Variants in CRACR2B observed in about 807,000 individuals in gnomAD.
The protein encoded by CRACR2B is calcium release activated channel regulator 2B.
Under a neutral mutation model 46.0 loss-of-function variants are expected in CRACR2B, and 50 were observed. That is an observed-to-expected ratio of 1.09 (90% confidence interval 0.87 to 1.38). The LOEUF (loss-of-function observed/expected upper bound fraction) is 1.38. Among genes scored for constraint, CRACR2B ranks in the 40% most tolerant of loss-of-function variants. The probability of loss-of-function intolerance (pLI) is 0.00; values close to 1 mark genes in which losing one functional copy is unlikely to be tolerated. For synonymous variants in CRACR2B, 277 were observed against 239.6 expected (o/e 1.16, Z -1.44); for missense variants, 667 against 535.0 (o/e 1.25, Z -2.43).
At position 828,668 on chromosome 11, in the gene CRACR2B, G is replaced by C. The variant is rs779890092; in HGVS notation, c.61G>C (p.Gly21Arg). 2.5e-6 allele frequency: 4 copies of C among 1,608,906 alleles called. No individual in the cohort carries two copies. Among genetic ancestry groups the C allele is most frequent in the Non-Finnish European group, 2.5e-6 (3 of 1,178,600 alleles). Residue 21 changes from glycine to arginine, a missense_variant, in exon 1 of 9, where the codon GGG (glycine) becomes CGG (arginine). Gly to Arg is a moderately radical substitution (Grantham distance 125, BLOSUM62 -2). Transcript: ENST00000525077. ...EAQEEEGELE[G>R]GSAGPRAAIL... ...CCAGGAGGAGGAGGGGGAACTCGAGGGGGGCTCTGCAGGGCCGCGGGCTGC... is the reference window on the plus strand; with the variant it reads ...CCAGGAGGAGGAGGGGGAACTCGAGCGGGGCTCTGCAGGGCCGCGGGCTGC...
intron 1 of CRACR2B, 28 bp from the exon 2 acceptor site, chr11:828,824 C>T (rs1303148130): frequency 1.9e-6 from 3 of 1,611,388 alleles, no homozygotes; most frequent in Non-Finnish European, 2.5e-6. Flanking sequence ...ACCGCAGCGG[C>T]TCATCTCTGC....
At position 830,020 on chromosome 11, in the gene CRACR2B, C is replaced by G; in HGVS notation, c.493C>G (p.Gln165Glu). The G allele has an allele frequency of 6.4e-7, 1 of 1,570,690 alleles. No homozygotes were observed. The highest frequency in any genetic ancestry group is 8.6e-7 in the Non-Finnish European group (1 of 1,164,228). ...RAVRTLWARL[Q>E]RERPELLGSF... ...TGTGAGGACGCTCTGGGCCAGGCTG[C>G]AGCGCGAGCGCCCCGAGCTGCTGGG... The change falls in exon 4 of 9, where the codon CAG becomes GAG. Residue 165 changes from glutamine (Q) to glutamate (E), a missense_variant. Gln to Glu is a conservative substitution (Grantham distance 29). Transcript: ENST00000525077.
At position 830,084 on chromosome 11, in the gene CRACR2B, T is replaced by C; in HGVS notation, c.557T>C (p.Leu186Pro). 6.5e-7 allele frequency: 1 copy of C among 1,546,512 alleles called. No individual in the cohort carries two copies. The highest frequency in any genetic ancestry group is 8.7e-7 in the Non-Finnish European group (1 of 1,151,058). Reference sequence around the variant, plus strand: ...GTTCTGATACGCGCGTCGGCCTGCCTGGAGGAGGCGGCCCGGGAGCGCGAC... The same window carrying C: ...GTTCTGATACGCGCGTCGGCCTGCCCGGAGGAGGCGGCCCGGGAGCGCGAC... ...EDVLIRASAC[L>P]EEAARERDGL... The change falls in exon 4 of 9, where the codon CTG becomes CCG. Residue 186 changes from leucine to proline, a missense_variant. Leu to Pro is a moderately conservative substitution (Grantham distance 98). Transcript: ENST00000525077.
At chr11:829,715 T>C (rs1431467034) in intron 3 of CRACR2B, 175 bp downstream of exon 3, 5 of 1,039,094 alleles carry the variant, frequency 4.8e-6, no homozygotes, top group East Asian at 2.8e-5. Context: ...CCCGCAGAAT[T>C]TGCATTTCAT....
chr11:831,198 G>A, intron 7 of CRACR2B, 26 bp from the exon 8 acceptor site: 1 of 1,611,044 alleles, frequency 6.2e-7, no homozygotes, highest in Non-Finnish European at 8.5e-7. Flanking sequence ...CCTTCCTGCA[G>A]CCGGGTCACC....
At chr11:829,893 G>C in intron 3 of CRACR2B, 93 bp from the exon 4 acceptor site, 1 of 1,470,848 alleles carries the variant, frequency 6.8e-7, no homozygotes. Flanking sequence ...CCTGCCCAGG[G>C]GCGAAGAAGT....
In CRACR2B at chr11:828,532, G is replaced by C; in HGVS notation, c.-76G>C. 1.4e-6 allele frequency: 2 copies of C among 1,465,572 alleles called. No homozygotes were observed. The highest frequency in any genetic ancestry group is 1.8e-6 in the Non-Finnish European group (2 of 1,112,868). 90.8% of individuals were successfully genotyped at this position (1,465,572 alleles called of 1,614,324 possible). On this transcript the variant is annotated 5_prime_UTR_variant, in exon 1 of 9. Transcript: ENST00000525077. ...CTTCAGACACACTTGCACCCCATCCGCTCCCCTCCTGAATTTCTTCTGACC... is the reference window on the plus strand; with the variant it reads ...CTTCAGACACACTTGCACCCCATCCCCTCCCCTCCTGAATTTCTTCTGACC...
chr11:829,920 G>A, intron 3 of CRACR2B, 66 bp from the exon 4 acceptor site: 1 of 1,518,966 alleles, frequency 6.6e-7, no homozygotes, highest in South Asian at 1.2e-5. Flanking sequence ...AGGGTTTGCT[G>A]CTGGCGGAGG....
chr11:830,038 C>T lies in CRACR2B; in HGVS notation c.511C>T (p.Leu171=), dbSNP rs760196814. ...CAGGCTGCAGCGCGAGCGCCCCGAG[C>T]TGCTGGGCTCTTTCGAGGATGTTCT... ...WARLQRERPE[L]LGSFEDVLIR... Residue 171 remains leucine, a synonymous_variant, in exon 4 of 9, where the codon CTG becomes TTG. Coordinates refer to ENST00000525077, the MANE Select transcript of CRACR2B (RefSeq NM_001286606.2). 1.9e-6 allele frequency: 3 copies of T among 1,567,998 alleles called. No individual in the cohort carries two copies. Among genetic ancestry groups the T allele is most frequent in the East Asian group, 2.3e-5 (1 of 42,898 alleles).
In CRACR2B at chr11:831,547, A is replaced by T; in HGVS notation, c.1038A>T (p.Thr346=). The change falls in exon 9 of 9, where the codon ACA becomes ACT. Residue 346 remains threonine, a synonymous_variant. Transcript: ENST00000525077. ...CCTCCTTCCCTAGGGAGCTGAATACACGGCTGCGGGATGACAGGGACGCCT... is the reference window on the plus strand; with the variant it reads ...CCTCCTTCCCTAGGGAGCTGAATACTCGGCTGCGGGATGACAGGGACGCCT... The part of the protein sequence containing the change: ...RQLELLRELN[T]RLRDDRDACE... 6.3e-7 allele frequency: 1 copy of T among 1,596,220 alleles called. No individual in the cohort carries two copies. Among genetic ancestry groups the T allele is most frequent in the Non-Finnish European group, 8.5e-7 (1 of 1,173,298 alleles).
intron 5 of CRACR2B, 136 bp from the exon 6 acceptor site, chr11:830,485 C>T: frequency 6.5e-7 from 1 of 1,537,418 alleles, no homozygotes; most frequent in Non-Finnish European, 8.7e-7. Flanking sequence ...CACTGGGCCT[C>T]ACGTATCACC....
chr11:831,572 T>C lies in CRACR2B; in HGVS notation c.1063T>C (p.Cys355Arg), dbSNP rs530911961. ...ACGGCTGCGGGATGACAGGGACGCC[T>C]GCGAGGCCAGGCGGGCGGGCAGCAG... Reference protein sequence around the residue: ...NTRLRDDRDACEARRAGSSCR... With the variant: ...NTRLRDDRDAREARRAGSSCR... The change falls in exon 9 of 9, where the codon TGC becomes CGC. Residue 355 changes from cysteine (C) to arginine (R), a missense_variant. Transcript: ENST00000525077. 42 of 1,597,728 alleles carry C rather than the reference T, an allele frequency of 2.6e-5. No individual in the cohort carries two copies. Among genetic ancestry groups the C allele is most frequent in the Non-Finnish European group, 3.5e-5 (41 of 1,174,328 alleles).
chr11:829,537 G>A lies in CRACR2B; in HGVS notation c.455G>A (p.Gly152Asp), dbSNP rs1294731982. The stretch of plus-strand genomic sequence containing the variant: ...CAGCTGGGGGTGGCCCCGGTCCTGG[G>A]CAAGTGAGTCGGCGCTGGCCCCGCT... ...LEQLGVAPVL[G>D]KQRAVRTLWA... Residue 152 changes from glycine (G) to aspartate (D), a missense_variant, in exon 3 of 9, where the codon GGC (glycine) becomes GAC (aspartate). Transcript: ENST00000525077. 1.3e-6 allele frequency: 2 copies of A among 1,584,798 alleles called. No homozygotes were observed. Among genetic ancestry groups the A allele is most frequent in the South Asian group, 2.3e-5 (2 of 87,012 alleles).
At position 828,676 on chromosome 11, in the gene CRACR2B, T is replaced by C. The variant is rs372499416; in HGVS notation, c.69T>C (p.Ser23=). 265 of 1,610,624 alleles carry C rather than the reference T, an allele frequency of 1.6e-4. No individual in the cohort carries two copies. Among genetic ancestry groups the C allele is most frequent in the Non-Finnish European group, 2.1e-4 (250 of 1,179,066 alleles). ...QEEEGELEGG[S]AGPRAAILEQ... ...AGGAGGGGGAACTCGAGGGGGGCTCTGCAGGGCCGCGGGCTGCAATACTGG... is the reference window on the plus strand; with the variant it reads ...AGGAGGGGGAACTCGAGGGGGGCTCCGCAGGGCCGCGGGCTGCAATACTGG... Residue 23 remains serine (S), a synonymous_variant, in exon 1 of 9, where the codon TCT becomes TCC. Coordinates refer to ENST00000525077, the MANE Select transcript of CRACR2B (RefSeq NM_001286606.2).
chr11:827,459 G>T (rs561095682), upstream of CRACR2B: 1 of 777,196 alleles, frequency 1.3e-6, no homozygotes, highest in Non-Finnish European at 1.6e-6. Context: ...AGGCGGCAGG[G>T]GTAAGGGCGG....
chr11:830,478 T>TG (rs1846312988), intron 5 of CRACR2B, 141 bp downstream of exon 5: 1 of 1,536,846 alleles, frequency 6.5e-7, no homozygotes, highest in Non-Finnish European at 8.7e-7. Context: ...GAGATCCCAC[T>TG]GGGCCTCACG....
Position 828,627 on chromosome 11 carries a change from C to G in CRACR2B, c.20C>G (p.Pro7Arg). The G allele has an allele frequency of 1.9e-6, 3 of 1,600,306 alleles. No homozygotes were observed. The highest frequency in any genetic ancestry group is 2.5e-6 in the Non-Finnish European group (3 of 1,176,664). MASPGK[P>R]GADEAQEEEG... ...GCTCTCATGGCCAGCCCTGGAAAGC[C>G]TGGGGCTGATGAGGCCCAGGAGGAG... The change falls in exon 1 of 9, where the codon CCT becomes CGT. Residue 7 changes from proline to arginine, a missense_variant. Physicochemically the swap from Pro to Arg is moderately radical, Grantham distance 103 (BLOSUM62 -2). Transcript: ENST00000525077.
In CRACR2B at chr11:828,584, G is replaced by A. The variant is rs765049724; in HGVS notation, c.-24G>A. ...TCCCTTGGCTTCACAGCACCTGAAG[G>A]CCAGGCTGAGGCCCCCTGCTCTCAT... On this transcript the variant is annotated 5_prime_UTR_variant, in exon 1 of 9. Transcript: ENST00000525077. The A allele has an allele frequency of 1.3e-6, 2 of 1,569,700 alleles. No homozygotes were observed. The highest frequency in any genetic ancestry group is 2.3e-5 in the South Asian group (2 of 85,408).
intron 7 of CRACR2B, 96 bp downstream of exon 7, chr11:831,128 T>C: frequency 6.3e-7 from 1 of 1,585,100 alleles, no homozygotes; most frequent in East Asian, 2.3e-5. Flanking sequence ...CCATCTCAAG[T>C]CCCAGGCCCG....
Sources: gnomAD v4.1 joint callset for allele counts on GRCh38, gnomAD v4.1.1 for gene constraint, MANE v1.5 for transcripts, NCBI Gene and HGNC (gene_info 2026-07-23, HGNC 2026-07-21) for gene names.